The following PKNOX2 variants were observed in gnomAD, a reference collection of about 807,000 sequenced individuals.
PKNOX2 encodes homeobox protein PKNOX2.
A neutral mutation model predicts 53.1 loss-of-function variants in PKNOX2; 14 were observed. That is an observed-to-expected ratio of 0.26 (90% CI 0.17 to 0.41). The LOEUF (loss-of-function observed/expected upper bound fraction) is 0.41. Among genes scored for constraint, PKNOX2 ranks in the 10% least tolerant of loss-of-function variants. The probability of loss-of-function intolerance (pLI) is 1.00; values close to 1 mark genes in which losing one functional copy is unlikely to be tolerated. For missense variants in PKNOX2, 496 were observed against 602.8 expected, an observed-to-expected ratio of 0.82 and a Z score of 1.85; for synonymous variants, 257 against 242.8, an observed-to-expected ratio of 1.06 and a Z score of -0.54.
At chr11:125,219,129 A>G (rs1028830923) in intron 1 of PKNOX2, among the ~76,000 whole-genome samples, 1 of 152,128 alleles carries the variant, frequency 6.6e-6, no homozygotes, top group Non-Finnish European at 1.5e-5. Flanking sequence ...ACATTTTTAA[A>G]CTACCATCAA....
intron 7 of PKNOX2, 62 bp downstream of exon 7, chr11:125,398,124 C>T (rs993300173): frequency 4.0e-6 from 6 of 1,500,498 alleles, no homozygotes; most frequent in Admixed American, 2.1e-5. Flanking sequence ...TCTGGAGCCA[C>T]GCGTGGAGGA....
intron 3 of PKNOX2, among the ~76,000 whole-genome samples, chr11:125,341,647 G>A (rs1950692396): frequency 6.6e-6 from 1 of 152,226 alleles, no homozygotes; most frequent in African/African-American, 2.4e-5. Context: ...GTCCTGGAGT[G>A]GAAGGGGAAG....
chr11:125,303,244 T>G (rs1221108232), intron 2 of PKNOX2, among the ~76,000 whole-genome samples: 1 of 152,248 alleles, frequency 6.6e-6, no homozygotes, highest in Non-Finnish European at 1.5e-5. Context: ...TTTTCACATT[T>G]ATTTTTCTTA....
chr11:125,360,242 G>A (rs971215541), intron 4 of PKNOX2, among the ~76,000 whole-genome samples: 5 of 152,172 alleles, frequency 3.3e-5, no homozygotes, highest in East Asian at 1.9e-4. Flanking sequence ...CCCTGTGGGA[G>A]GTGTGTGGGG....
intron 2 of PKNOX2, among the ~76,000 whole-genome samples, chr11:125,301,705 AAC>A (rs1467208972): frequency 6.6e-6 from 1 of 152,104 alleles, no homozygotes. Context: ...AATAAAAAAG[AAC>A]AGTTTGGGTT....
At chr11:125,355,277 GAAA>G (rs61437536) in intron 4 of PKNOX2, among the ~76,000 whole-genome samples, 5 of 109,212 alleles carry the variant, frequency 4.6e-5, no homozygotes, top group South Asian at 2.8e-4. Context: ...AAAAAAAAAA[GAAA>G]AAAAAAAAAA....
chr11:125,356,918 G>A (rs575976941), intron 4 of PKNOX2, among the ~76,000 whole-genome samples: 4 of 152,254 alleles, frequency 2.6e-5, no homozygotes, highest in African/African-American at 7.2e-5. Context: ...TTTCACACTC[G>A]CTTTACATTC....
At position 125,297,136 on chromosome 11, in the gene PKNOX2, C is replaced by T. The variant is rs1167157395; in HGVS notation, c.-129-34683C>T. 3.3e-5 allele frequency among the ~76,000 whole-genome samples: 5 copies of T among 152,324 alleles called. No homozygotes were observed. In the South Asian group the frequency reaches 1.0e-3, roughly 32 times the overall value. Reference sequence around the variant, plus strand: ...TGTGCCGTAGCATCTGCACTTATGTCATTTACTTTTCACAACGATCCATAG... The same window carrying T: ...TGTGCCGTAGCATCTGCACTTATGTTATTTACTTTTCACAACGATCCATAG... On this transcript the variant is annotated intron_variant, in intron 2 of 12. Coordinates refer to ENST00000298282, the MANE Select transcript of PKNOX2 (RefSeq NM_001382323.2).
chr11:125,232,346 A>G (rs1271230837), intron 1 of PKNOX2, among the ~76,000 whole-genome samples: 1 of 152,242 alleles, frequency 6.6e-6, no homozygotes, highest in Non-Finnish European at 1.5e-5. Flanking sequence ...AGAGATAGCT[A>G]ACATTCAGCG....
intron 7 of PKNOX2, among the ~76,000 whole-genome samples, chr11:125,398,273 G>A (rs752054941): frequency 7.9e-5 from 12 of 152,192 alleles, no homozygotes; most frequent in Non-Finnish European, 1.5e-4. Context: ...CAGGGCATTA[G>A]TATTCCCTTG....
intron 2 of PKNOX2, among the ~76,000 whole-genome samples, chr11:125,294,410 T>C (rs574934896): frequency 1.3e-5 from 2 of 152,072 alleles, no homozygotes; most frequent in East Asian, 3.9e-4. Context: ...CAATTCAGCA[T>C]GAAAAGAAAG....
intron 2 of PKNOX2, among the ~76,000 whole-genome samples, chr11:125,238,761 A>G (rs530042129): frequency 6.6e-6 from 1 of 152,332 alleles, no homozygotes; most frequent in African/African-American, 2.4e-5. Context: ...TAGGTCAGGA[A>G]ACTAACATTT....
At chr11:125,294,094 C>G (rs1232422083) in intron 2 of PKNOX2, among the ~76,000 whole-genome samples, 3 of 152,350 alleles carry the variant, frequency 2.0e-5, no homozygotes, top group South Asian at 2.1e-4. Flanking sequence ...AACAAAACTT[C>G]CTAACATCAC....
intron 1 of PKNOX2, among the ~76,000 whole-genome samples, chr11:125,227,406 C>T (rs956049006): frequency 6.6e-6 from 1 of 152,222 alleles, no homozygotes; most frequent in African/African-American, 2.4e-5. Context: ...CCTCTGGAAA[C>T]CACTAGTCTA....
At chr11:125,392,682 A>G (rs1289170819) in intron 6 of PKNOX2, among the ~76,000 whole-genome samples, 2 of 152,222 alleles carry the variant, frequency 1.3e-5, no homozygotes, top group African/African-American at 4.8e-5. Context: ...TTATAAAGTA[A>G]GTATAAATTG....
chr11:125,178,323 C>A (rs1346129605), intron 1 of PKNOX2, among the ~76,000 whole-genome samples: 1 of 151,722 alleles, frequency 6.6e-6, no homozygotes, highest in Non-Finnish European at 1.5e-5. Flanking sequence ...ACCAGCCTGA[C>A]CAACAAGGAG....
chr11:125,373,866 G>A (rs1952691346), intron 5 of PKNOX2, among the ~76,000 whole-genome samples: 1 of 152,208 alleles, frequency 6.6e-6, no homozygotes, highest in Non-Finnish European at 1.5e-5. Flanking sequence ...TGACCGCAGA[G>A]CTTCAGGCCT....
At chr11:125,351,730 AC>A (rs1048925643) in intron 4 of PKNOX2, among the ~76,000 whole-genome samples, 1 of 151,918 alleles carries the variant, frequency 6.6e-6, no homozygotes, top group Non-Finnish European at 1.5e-5. Flanking sequence ...AGTGGGGGAG[AC>A]CCAGGTACCG....
intron 1 of PKNOX2, among the ~76,000 whole-genome samples, chr11:125,174,634 G>A (rs1429497067): frequency 6.6e-6 from 1 of 152,158 alleles, no homozygotes; most frequent in East Asian, 1.9e-4. Context: ...GCAGGTGAGT[G>A]GGTGGGAAGA....
Sources: allele counts gnomAD v4.1 joint callset (sites outside exome capture counted in the v4.1 genomes callset), GRCh38; gene constraint gnomAD v4.1.1; transcripts MANE v1.5; gene names NCBI Gene and HGNC (gene_info 2026-07-23, HGNC 2026-07-21).